Variants in NLGN4Y observed in about 807,000 individuals in gnomAD.
NLGN4Y encodes the protein neuroligin-4, Y-linked.
A neutral mutation model predicts 8.4 loss-of-function variants in NLGN4Y; 4 were observed. That is an observed-to-expected ratio of 0.48 (90% CI 0.23 to 1.09). The LOEUF is 1.09. Ranked by LOEUF, NLGN4Y falls within the 50% of genes least tolerant of loss-of-function variation. The pLI, the probability that NLGN4Y is intolerant of heterozygous loss-of-function variation, is 0.19. For synonymous variants in NLGN4Y, 35 were observed against 75.6 expected (o/e 0.46, Z 2.78); for missense variants, 90 against 192.3 (o/e 0.47, Z 3.15).
intron 2 of NLGN4Y, among the ~76,000 whole-genome samples, chrY:14,685,204 C>T (rs2080785337): frequency 3.0e-5 from 1 of 33,387 alleles, no homozygotes; most frequent in African/African-American, 1.2e-4. Context: ...GCCTGGCATG[C>T]AGCAAGCTCT....
At chrY:14,673,760 C>A in intron 2 of NLGN4Y, among the ~76,000 whole-genome samples, 1 of 33,217 alleles carries the variant, frequency 3.0e-5, no homozygotes, top group African/African-American at 1.2e-4. Context: ...TTCACAATAG[C>A]AAAGACTTGG....
chrY:14,686,937 G>A, intron 2 of NLGN4Y, among the ~76,000 whole-genome samples: 1 of 32,703 alleles, frequency 3.1e-5, no homozygotes, highest in South Asian at 7.0e-4. Flanking sequence ...CCAAAGCATA[G>A]CCACAGTGCC....
chrY:14,819,506 G>A (rs2043115211), intron 4 of NLGN4Y, among the ~76,000 whole-genome samples: 1 of 32,901 alleles, frequency 3.0e-5, no homozygotes, highest in African/African-American at 1.2e-4. Flanking sequence ...ATGTACCTAG[G>A]TTCAGTCAAA....
At chrY:14,652,032 GA>G (rs2080631712) in intron 2 of NLGN4Y, among the ~76,000 whole-genome samples, 1 of 32,488 alleles carries the variant, frequency 3.1e-5, no homozygotes, top group Non-Finnish European at 7.6e-5. Flanking sequence ...ATTCAATTTA[GA>G]AAAAACAAAT....
chrY:14,746,389 T>G, intron 4 of NLGN4Y, among the ~76,000 whole-genome samples: 1 of 33,402 alleles, frequency 3.0e-5, no homozygotes, highest in Non-Finnish European at 7.4e-5. Flanking sequence ...TTTGGCTCCA[T>G]CACCATCATA....
chrY:14,807,425 T>C (rs373756715), intron 4 of NLGN4Y, among the ~76,000 whole-genome samples: 11 of 32,770 alleles, frequency 3.4e-4, no homozygotes, highest in African/African-American at 1.3e-3. Context: ...ATGTATTTTA[T>C]AGTGCCTTTT....
chrY:14,798,235 C>T (rs2043019417), intron 4 of NLGN4Y, among the ~76,000 whole-genome samples: 2 of 33,372 alleles, frequency 6.0e-5, no homozygotes, highest in African/African-American at 2.3e-4. Context: ...TTGTATTTGT[C>T]TTTGACGTCC....
intron 4 of NLGN4Y, among the ~76,000 whole-genome samples, chrY:14,776,022 T>C (rs2081124204): frequency 3.1e-5 from 1 of 32,513 alleles, no homozygotes; most frequent in Non-Finnish European, 7.4e-5. Flanking sequence ...GTGTATAATT[T>C]ATATAAATTT....
intron 4 of NLGN4Y, among the ~76,000 whole-genome samples, chrY:14,816,354 T>C: frequency 3.0e-5 from 1 of 33,690 alleles, no homozygotes; most frequent in African/African-American, 1.2e-4. Context: ...CCTGACAGTT[T>C]CTACCTTTTC....
chrY:14,724,176 T>C, intron 4 of NLGN4Y, among the ~76,000 whole-genome samples: 1 of 33,490 alleles, frequency 3.0e-5, no homozygotes, highest in Non-Finnish European at 7.4e-5. Flanking sequence ...TTTAAGAAAA[T>C]CTGCATGTCT....
chrY:14,734,178 C>T (rs997077295), intron 4 of NLGN4Y, among the ~76,000 whole-genome samples: 5 of 33,647 alleles, frequency 1.5e-4, no homozygotes, highest in Middle Eastern at 0.014. Flanking sequence ...TGGTCAAAAT[C>T]CTCTCCAAAG....
At chrY:14,706,489 C>G in intron 2 of NLGN4Y, among the ~76,000 whole-genome samples, 1 of 32,194 alleles carries the variant, frequency 3.1e-5, no homozygotes, top group Non-Finnish European at 7.6e-5. Flanking sequence ...TCTTGGCTCA[C>G]TGCAATTTCT....
intron 1 of NLGN4Y, among the ~76,000 whole-genome samples, chrY:14,605,294 G>T (rs970906605): frequency 1.8e-4 from 6 of 32,737 alleles, no homozygotes; most frequent in Non-Finnish European, 3.7e-4. Flanking sequence ...TAGGATAATG[G>T]CTTCCAGCTG....
At chrY:14,624,260 CA>C (rs2080520787) in intron 2 of NLGN4Y, among the ~76,000 whole-genome samples, 2 of 33,247 alleles carry the variant, frequency 6.0e-5, no homozygotes, top group Non-Finnish European at 1.5e-4. Flanking sequence ...GCCTTGGCAA[CA>C]ATGAATGCAC....
chrY:14,788,772 T>C, intron 4 of NLGN4Y, among the ~76,000 whole-genome samples: 5 of 32,793 alleles, frequency 1.5e-4, no homozygotes, highest in Admixed American at 1.4e-3. Flanking sequence ...TTTAACTTAA[T>C]AGCGAGGGGA....
chrY:14,538,119 G>T, intron 1 of NLGN4Y, among the ~76,000 whole-genome samples: 1 of 33,220 alleles, frequency 3.0e-5, no homozygotes, highest in Non-Finnish European at 7.4e-5. Flanking sequence ...AGTACAGTTT[G>T]TTGGAATATT....
chrY:14,759,290 T>G (rs765134027), intron 4 of NLGN4Y, among the ~76,000 whole-genome samples: 43 of 32,881 alleles, frequency 1.3e-3, no homozygotes, highest in African/African-American at 4.0e-3. Flanking sequence ...ATACTGTTTT[T>G]TTTTGTTTTG....
intron 1 of NLGN4Y, among the ~76,000 whole-genome samples, chrY:14,531,240 A>G: frequency 3.0e-5 from 1 of 33,140 alleles, no homozygotes. Context: ...TTCATCATCT[A>G]TATCTATATC....
chrY:14,628,241 G>A (rs2080535763), intron 2 of NLGN4Y, among the ~76,000 whole-genome samples: 1 of 33,995 alleles, frequency 2.9e-5, no homozygotes, highest in Non-Finnish European at 7.3e-5. Context: ...CAATACAATC[G>A]AAAAAGGAAG....
Sources: allele counts gnomAD v4.1 joint callset (sites outside exome capture counted in the v4.1 genomes callset), GRCh38; gene constraint gnomAD v4.1.1; transcripts MANE v1.5; gene names NCBI Gene and HGNC (gene_info 2026-07-23, HGNC 2026-07-21).